The following LMBRD1 variants were observed in gnomAD, a reference collection of about 807,000 sequenced individuals.
LMBRD1 encodes lysosomal cobalamin transport escort protein LMBD1.
In LMBRD1, 64 loss-of-function variants were observed where a neutral mutation model predicts 74.8. The ratio of observed to expected loss-of-function variants is 0.86; its 90% CI spans 0.70 to 1.05. The LOEUF (loss-of-function observed/expected upper bound fraction) is 1.05, where lower values mean the gene tolerates loss of function less well. LMBRD1 is among the 50% of genes least tolerant of loss of function. The pLI is 0.00. For missense variants in LMBRD1, 652 were observed against 645.9 expected (o/e 1.01, Z -0.10); for synonymous variants, 204 against 216.3 (o/e 0.94, Z 0.50).
intron 9 of LMBRD1, among the ~76,000 whole-genome samples, chr6:69,708,705 C>A (rs1766316043): frequency 6.6e-6 from 1 of 150,962 alleles, no homozygotes; most frequent in Admixed American, 6.6e-5. Context: ...TTTACATTTG[C>A]AAAAATTTAA....
chr6:69,747,703 A>C (rs1289183263), intron 5 of LMBRD1, among the ~76,000 whole-genome samples: 3 of 152,240 alleles, frequency 2.0e-5, no homozygotes, highest in Non-Finnish European at 2.9e-5. Context: ...CCTAGAGGAC[A>C]GAGACCATGG....
chr6:69,763,051 T>C (rs915643319), intron 3 of LMBRD1, among the ~76,000 whole-genome samples: 52 of 102,850 alleles, frequency 5.1e-4, no homozygotes, highest in African/African-American at 1.8e-3. Context: ...AACATGCCAC[T>C]GGACAATTTT....
chr6:69,736,440 A>AAC (rs1766979409), intron 7 of LMBRD1, among the ~76,000 whole-genome samples: 1 of 152,196 alleles, frequency 6.6e-6, no homozygotes, highest in Non-Finnish European at 1.5e-5. Context: ...TCCGGGAACC[A>AAC]ACACACAAAA....
chr6:69,753,686 A>T (rs1055706870), intron 3 of LMBRD1, among the ~76,000 whole-genome samples: 4 of 152,198 alleles, frequency 2.6e-5, no homozygotes, highest in African/African-American at 9.7e-5. Context: ...AAGCCACCCA[A>T]GTGTCCACTG....
chr6:69,755,344 C>G (rs1415372575), intron 3 of LMBRD1, among the ~76,000 whole-genome samples: 2 of 152,094 alleles, frequency 1.3e-5, no homozygotes, highest in Admixed American at 1.3e-4. Context: ...GAAAACCAAA[C>G]ATCTCATGTT....
intron 5 of LMBRD1, among the ~76,000 whole-genome samples, chr6:69,744,804 C>T (rs756834297): frequency 3.9e-5 from 6 of 152,112 alleles, no homozygotes; most frequent in Non-Finnish European, 7.4e-5. Context: ...TCCAACCCAA[C>T]ACCCAAAATC....
chr6:69,752,262 A>G lies in LMBRD1; in HGVS notation c.402T>C (p.Cys134=). Residue 134 remains cysteine, a synonymous_variant, in exon 4 of 16, where the codon TGT becomes TGC. Transcript: ENST00000649934. ...CCTCTAAAATAAAGATACTTACAGTACATTTACTAGTATCATCATCATCCT... is the reference window on the plus strand; with the variant it reads ...CCTCTAAAATAAAGATACTTACAGTGCATTTACTAGTATCATCATCATCCT... ...EEKDDDDTSK[C]TQIKTALKYT... 1 of 1,608,618 alleles carries G rather than the reference A, an allele frequency of 6.2e-7. No individual in the cohort carries two copies.
chr6:69,685,528 TG>T lies in LMBRD1; in HGVS notation c.1418-8988del, dbSNP rs549055127. ...TAAATCAAAAACTTTGGGTCAGGCG[TG>T]GTGGCTCATGCCTGTAACCCCAGCA... On this transcript the variant is annotated intron_variant, in intron 14 of 15. Coordinates refer to ENST00000649934, the MANE Select transcript of LMBRD1 (RefSeq NM_018368.4). Among the ~76,000 whole-genome samples the T allele has an allele frequency of 3.6e-4, 55 of 152,246 alleles. 1 individual carries two copies. The South Asian group carries it at 0.01, about 29-fold the overall frequency.
chr6:69,676,650 GC>G (rs1385388814), intron 14 of LMBRD1, 109 bp from the exon 15 acceptor site: 4 of 860,578 alleles, frequency 4.6e-6, no homozygotes, highest in Non-Finnish European at 7.6e-6. Context: ...AGATCATATG[GC>G]TAGTAAGTGT....
At chr6:69,759,453 TAC>T (rs1362355829) in intron 3 of LMBRD1, among the ~76,000 whole-genome samples, 2 of 151,572 alleles carry the variant, frequency 1.3e-5, no homozygotes, top group Admixed American at 6.6e-5. Flanking sequence ...AATCCAAAAA[TAC>T]ATTTAAAAAA....
intron 6 of LMBRD1, among the ~76,000 whole-genome samples, chr6:69,741,574 C>T (rs551582504): frequency 7.6e-4 from 115 of 152,180 alleles, no homozygotes; most frequent in Non-Finnish European, 1.4e-3. Flanking sequence ...TTAGCAGAGA[C>T]GGGGTTTGGC....
rs58701619 is a variant in LMBRD1, at chr6:69,675,435, AT to A, written c.*722del. ...ATATCTTAAATTAATCCATAAACTG[AT>A]TTTTTTTTCCAGGATTAATTATTCT... On this transcript the variant is annotated 3_prime_UTR_variant, in exon 16 of 16. Transcript: ENST00000649934. Among the ~76,000 whole-genome samples the A allele has an allele frequency of 0.12, 17,634 of 151,568 alleles. 2,840 individuals are homozygous for A. Among genetic ancestry groups the A allele is most frequent in the African/African-American group, 0.36 (14,935 of 41,316 alleles).
chr6:69,733,815 C>G (rs553928613), intron 7 of LMBRD1, among the ~76,000 whole-genome samples: 1 of 152,196 alleles, frequency 6.6e-6, no homozygotes, highest in Non-Finnish European at 1.5e-5. Flanking sequence ...TCTCACTGAT[C>G]ATGATACAAC....
At chr6:69,676,581 T>A (rs1765551955) in intron 14 of LMBRD1, 40 bp from the exon 15 acceptor site, 2 of 1,423,944 alleles carry the variant, frequency 1.4e-6, no homozygotes, top group East Asian at 4.6e-5. Context: ...GATAGGTTCT[T>A]TCATAAAATT....
At chr6:69,735,187 A>C (rs1460105097) in intron 7 of LMBRD1, among the ~76,000 whole-genome samples, 12 of 152,196 alleles carry the variant, frequency 7.9e-5, no homozygotes. Flanking sequence ...CCACTAGCTC[A>C]GGTTGCAAGG....
chr6:69,742,053 G>A (rs189013433), intron 5 of LMBRD1, among the ~76,000 whole-genome samples, 176 bp from the exon 6 acceptor site: 12 of 152,210 alleles, frequency 7.9e-5, no homozygotes, highest in African/African-American at 2.9e-4. Flanking sequence ...TTTAATAGTT[G>A]TATTACTGCA....
At chr6:69,753,103 T>A (rs920635802) in intron 3 of LMBRD1, among the ~76,000 whole-genome samples, 10 of 152,138 alleles carry the variant, frequency 6.6e-5, no homozygotes, top group African/African-American at 2.4e-4. Context: ...TCTGCTTTTT[T>A]TAAAAAAAAT....
At chr6:69,749,275 TTTA>T (rs1256330759) in intron 5 of LMBRD1, 63 bp downstream of exon 5, 4 of 1,285,070 alleles carry the variant, frequency 3.1e-6, no homozygotes, top group African/African-American at 3.1e-5. Context: ...GAATGATCCT[TTTA>T]TTTTTTTTTT....
chr6:69,791,629 G>A (rs73469943), intron 1 of LMBRD1, among the ~76,000 whole-genome samples: 13,536 of 152,102 alleles, frequency 0.089, 1,567 homozygotes, highest in African/African-American at 0.27. Context: ...TTCTTTCTGA[G>A]CATCCTACAA....
Sources: allele counts gnomAD v4.1 joint callset (sites outside exome capture counted in the v4.1 genomes callset), GRCh38; gene constraint gnomAD v4.1.1; transcripts MANE v1.5; gene names NCBI Gene and HGNC (gene_info 2026-07-23, HGNC 2026-07-21).